The following KDM3A variants were observed in gnomAD, a reference collection of about 807,000 sequenced individuals.
The protein encoded by KDM3A is lysine-specific demethylase 3A.
A neutral mutation model predicts 158.0 loss-of-function variants in KDM3A; 60 were observed. That is an observed-to-expected ratio of 0.38 (90% confidence interval 0.31 to 0.47). The LOEUF (loss-of-function observed/expected upper bound fraction) is 0.47, where lower values mean the gene tolerates loss of function less well. Ranked by LOEUF, KDM3A falls within the 20% of genes least tolerant of loss-of-function variation. The pLI, the probability that KDM3A is intolerant of heterozygous loss-of-function variation, is 0.99. For missense variants in KDM3A, 1,319 were observed against 1,574.3 expected, an observed-to-expected ratio of 0.84 and a Z score of 2.74; for synonymous variants, 608 against 549.3, an observed-to-expected ratio of 1.11 and a Z score of -1.49.
Position 86,484,096 on chromosome 2 carries a change from C to T in KDM3A, c.3032C>T (p.Thr1011Ile). ...GAAGTAGACCTAGTTAATTGTAGGA[C>T]CAATGAAATCATCACAGGAGCCACA... ...EQEVDLVNCR[T>I]NEIITGATVG... is the part of the protein sequence containing the mutation. Residue 1011 changes from threonine (T) to isoleucine (I), a missense_variant, in exon 19 of 26, where the codon ACC (threonine) becomes ATC (isoleucine). By Grantham distance (89) the Thr-to-Ile change is moderately conservative. Around this residue, in one of 4 missense-constraint regions of KDM3A, gnomAD observed 368 missense variants for 415.8 expected, o/e 0.89. Transcript: ENST00000312912. 1.2e-6 allele frequency: 2 copies of T among 1,613,790 alleles called. No individual in the cohort carries two copies. Among genetic ancestry groups the T allele is most frequent in the Non-Finnish European group, 1.7e-6 (2 of 1,179,824 alleles).
At position 86,491,289 on chromosome 2, in the gene KDM3A, C is replaced by T; in HGVS notation, c.3885+14C>T. Reference sequence around the variant, plus strand: ...GATAAATTACAGGTAAAAATAGCACCAATTCCTAGCATTCTTTGGCTATGG... The same window carrying T: ...GATAAATTACAGGTAAAAATAGCACTAATTCCTAGCATTCTTTGGCTATGG... On this transcript the variant is annotated intron_variant, in intron 25 of 25. Transcript: ENST00000312912. The T allele has an allele frequency of 1.2e-6, 2 of 1,611,896 alleles. No homozygotes were observed. The highest frequency in any genetic ancestry group is 1.7e-6 in the Non-Finnish European group (2 of 1,178,186).
intron 17 of KDM3A, 76 bp from the exon 18 acceptor site, chr2:86,482,382 T>G: frequency 6.4e-7 from 1 of 1,566,772 alleles, no homozygotes; most frequent in South Asian, 1.2e-5. Context: ...ATGTAATCTA[T>G]ACTCATTATG....
At chr2:86,481,802 T>C (rs1460856956) in intron 16 of KDM3A, 128 bp from the exon 17 acceptor site, 4 of 661,154 alleles carry the variant, frequency 6.1e-6, no homozygotes, top group Non-Finnish European at 7.9e-6. Context: ...TCATACTTAC[T>C]CCCTAAAGTA....
Position 86,475,465 on chromosome 2 carries a change from G to C in KDM3A, c.1939+475G>C, listed in dbSNP as rs189095366. ...ATGATTGTTAGAGTCAAGGTTTGAA[G>C]GGAATACTTGGAGGTTCTAGATGTG... is the stretch of plus-strand genomic sequence containing the variant. On this transcript the variant is annotated intron_variant, in intron 12 of 25. Transcript: ENST00000312912. Among the ~76,000 whole-genome samples the C allele has an allele frequency of 4.1e-4, 62 of 152,336 alleles. 1 individual carries two copies. The highest frequency in any genetic ancestry group is 3.5e-3 in the Admixed American group (54 of 15,304).
intron 15 of KDM3A, 112 bp downstream of exon 15, chr2:86,478,847 T>A: frequency 1.0e-6 from 1 of 993,828 alleles, no homozygotes; most frequent in Non-Finnish European, 1.5e-6. Context: ...GGGATAGCTA[T>A]CAAGTGGAAA....
chr2:86,442,260 C>A (rs1682758295), intron 2 of KDM3A, 27 bp downstream of exon 2: 2 of 1,582,176 alleles, frequency 1.3e-6, no homozygotes, highest in Admixed American at 3.5e-5. Flanking sequence ...GCCTCTGCCA[C>A]CGGACGTTTC....
chr2:86,470,366 A>C lies in KDM3A; in HGVS notation c.1682A>C (p.Gln561Pro). The C allele has an allele frequency of 6.2e-7, 1 of 1,614,120 alleles. No homozygotes were observed. The highest frequency in any genetic ancestry group is 8.5e-7 in the Non-Finnish European group (1 of 1,179,962). ...AGTCTCCGCAAGGATAAGGAGCAAC[A>C]GAAGGACTCACCTGTGTTTTGCCGC... Reference protein sequence around the residue: ...LDSLRKDKEQQKDSPVFCRFF... With the variant: ...LDSLRKDKEQPKDSPVFCRFF... The change falls in exon 11 of 26, where the codon CAG becomes CCG. Residue 561 changes from glutamine (Q) to proline (P), a missense_variant. Gln to Pro is a moderately conservative substitution (Grantham distance 76). Coordinates refer to ENST00000312912, the MANE Select transcript of KDM3A (RefSeq NM_018433.6).
chr2:86,471,259 ATATATATGTG>A (rs1241977998), intron 11 of KDM3A, among the ~76,000 whole-genome samples: 4 of 150,782 alleles, frequency 2.7e-5, no homozygotes, highest in Non-Finnish European at 5.9e-5. Flanking sequence ...ATATGTGTGT[ATATATATGTG>A]TATATATGTG....
intron 15 of KDM3A, 169 bp downstream of exon 15, chr2:86,478,904 C>T (rs1331272579): frequency 9.9e-6 from 6 of 606,354 alleles, no homozygotes; most frequent in Admixed American, 3.4e-5. Context: ...TTCAGAGACC[C>T]GTTCTGACTT....
At chr2:86,459,351 G>A (rs1672833029) in intron 8 of KDM3A, among the ~76,000 whole-genome samples, 1 of 152,148 alleles carries the variant, frequency 6.6e-6, no homozygotes, top group African/African-American at 2.4e-5. Flanking sequence ...ATTTCTTTAT[G>A]TCAGGTTTTA....
intron 8 of KDM3A, among the ~76,000 whole-genome samples, chr2:86,458,261 A>T (rs1477229062): frequency 6.6e-6 from 1 of 152,204 alleles, no homozygotes; most frequent in African/African-American, 2.4e-5. Context: ...GGCTTTCTTG[A>T]ATCTTTCCTG....
chr2:86,484,543 G>C (rs929318425), intron 19 of KDM3A: 7 of 237,982 alleles, frequency 2.9e-5, no homozygotes, highest in East Asian at 1.0e-4. Context: ...TGTAGAGGAG[G>C]AGCAGATTGG....
intron 10 of KDM3A, among the ~76,000 whole-genome samples, chr2:86,467,858 A>G (rs1184281901): frequency 6.6e-6 from 1 of 152,066 alleles, no homozygotes; most frequent in East Asian, 1.9e-4. Context: ...CCATCTCCAC[A>G]AAAAATTTTT....
chr2:86,444,373 C>G (rs1196266621), intron 2 of KDM3A, among the ~76,000 whole-genome samples: 2 of 152,200 alleles, frequency 1.3e-5, no homozygotes, highest in African/African-American at 2.4e-5. Context: ...ACTCAACCCT[C>G]ATGTAAGATG....
At chr2:86,468,079 G>A (rs963766299) in intron 10 of KDM3A, among the ~76,000 whole-genome samples, 1 of 152,070 alleles carries the variant, frequency 6.6e-6, no homozygotes, top group African/African-American at 2.4e-5. Context: ...ATTTGGATCA[G>A]TAAAAATGAA....
chr2:86,441,240 G>C (rs1197123256), upstream of KDM3A: 1 of 152,136 alleles, frequency 6.6e-6, no homozygotes, highest in Non-Finnish European at 1.5e-5. Flanking sequence ...CTCGCCCGGG[G>C]GGCCAATGGT....
intron 2 of KDM3A, 124 bp from the exon 3 acceptor site, chr2:86,449,683 G>A: frequency 9.5e-7 from 1 of 1,055,674 alleles, no homozygotes; most frequent in Non-Finnish European, 1.3e-6. Flanking sequence ...GCTGGAAGGG[G>A]GAAAGCACAT....
Position 86,485,798 on chromosome 2 carries a change from C to T in KDM3A, c.3252C>T (p.Ala1084=), listed in dbSNP as rs1160655597. ...YTRRDGKLNL[A]SRLPNYFVRP... is the part of the protein sequence containing the mutation. ...GGCGAGATGGCAAACTGAATTTGGC[C>T]TCTAGGCTGCCAAACTACTTTGTTC... The change falls in exon 21 of 26, where the codon GCC becomes GCT. Residue 1084 remains alanine (A), a synonymous_variant. Transcript: ENST00000312912. 4.3e-6 allele frequency: 7 copies of T among 1,614,110 alleles called. No homozygotes were observed. In the Admixed American group the frequency reaches 1.0e-4, roughly 23 times the overall value.
chr2:86,461,679 T>A lies in KDM3A; in HGVS notation c.844-2374T>A, dbSNP rs1348142178. 2.0e-5 allele frequency among the ~76,000 whole-genome samples: 3 copies of A among 152,146 alleles called. No individual in the cohort carries two copies. The East Asian group carries it at 5.8e-4, about 29-fold the overall frequency. ...AATGATAAAGAGTAAGGGACGGCTT[T>A]TGGGATGCTACTTCAGAAAGAGTAA... On this transcript the variant is annotated intron_variant, in intron 8 of 25. Transcript: ENST00000312912.
Sources: gnomAD v4.1 joint callset for allele counts (sites outside exome capture counted in the v4.1 genomes callset) on GRCh38, gnomAD v4.1.1 for gene constraint, gnomAD v4.1.1 regional missense constraint, MANE v1.5 for transcripts, NCBI Gene and HGNC (gene_info 2026-07-23, HGNC 2026-07-21) for gene names.